The following GABRA4 variants were observed in gnomAD, a reference collection of about 807,000 sequenced individuals.
GABRA4 encodes gamma-aminobutyric acid receptor subunit alpha-4.
GABRA4 carries 12 observed loss-of-function variants against 49.7 expected under a neutral mutation model. The observed-to-expected ratio is 0.24, with a 90% confidence interval of 0.15 to 0.39. GABRA4 has a LOEUF of 0.39. Ranked by LOEUF, GABRA4 falls within the 10% of genes least tolerant of loss-of-function variation. GABRA4 has a pLI of 1.00. For synonymous variants in GABRA4, 288 were observed against 240.2 expected (o/e 1.20, Z -1.84); for missense variants, 506 against 686.0 (o/e 0.74, Z 2.93).
At chr4:46,931,338 AT>A (rs1308675673) in intron 8 of GABRA4, among the ~76,000 whole-genome samples, 1 of 151,990 alleles carries the variant, frequency 6.6e-6, no homozygotes, top group Admixed American at 6.6e-5. Flanking sequence ...CTGCTCTGGT[AT>A]TGTCTAATGA....
intron 6 of GABRA4, among the ~76,000 whole-genome samples, chr4:46,973,290 C>T (rs910031779): frequency 2.0e-5 from 3 of 151,646 alleles, no homozygotes; most frequent in Non-Finnish European, 3.0e-5. Flanking sequence ...GGTGTTTAAA[C>T]CATGATGGTG....
At chr4:46,987,404 C>G (rs1723579496) in intron 2 of GABRA4, among the ~76,000 whole-genome samples, 1 of 152,110 alleles carries the variant, frequency 6.6e-6, no homozygotes, top group African/African-American at 2.4e-5. Context: ...TTACATTACT[C>G]TATAGCTGTT....
chr4:46,947,325 A>G (rs555551841), intron 8 of GABRA4, among the ~76,000 whole-genome samples: 1 of 152,178 alleles, frequency 6.6e-6, no homozygotes, highest in East Asian at 1.9e-4. Context: ...AGGTCTGGGC[A>G]TATTTTATGC....
At chr4:46,968,166 C>T (rs946887994) in intron 7 of GABRA4, among the ~76,000 whole-genome samples, 4 of 151,492 alleles carry the variant, frequency 2.6e-5, no homozygotes, top group Admixed American at 6.6e-5. Flanking sequence ...ACCTAAATCT[C>T]ATATGAAAAT....
intron 8 of GABRA4, among the ~76,000 whole-genome samples, chr4:46,953,276 A>G (rs1355015764): frequency 6.6e-6 from 1 of 151,956 alleles, no homozygotes; most frequent in African/African-American, 2.4e-5. Context: ...CTCACCCCCT[A>G]AAGCTCAGCA....
rs988142549 is a variant in GABRA4, at chr4:46,987,412, G to C, written c.205+5416C>G. Reference sequence around the variant, plus strand: ...CCCTGCTTTACATTACTCTATAGCTGTTAACCAACATCTGGCACACACACT... The same window carrying C: ...CCCTGCTTTACATTACTCTATAGCTCTTAACCAACATCTGGCACACACACT... On this transcript the variant is annotated intron_variant, in intron 2 of 8. Coordinates refer to ENST00000264318, the MANE Select transcript of GABRA4 (RefSeq NM_000809.4). Among the ~76,000 whole-genome samples, 3 of 152,172 alleles carry C rather than the reference G, an allele frequency of 2.0e-5. No individual in the cohort carries two copies. The South Asian group carries it at 6.2e-4, about 32-fold the overall frequency.
In GABRA4 at chr4:46,980,393, A is replaced by G. The variant is rs1002671933; in HGVS notation, c.206-1295T>C. The stretch of plus-strand genomic sequence containing the variant: ...TATGCCAAAAAAAAAAAAAAAAGGC[A>G]GAGAGAAATTGGTATCACTTAATTC... On this transcript the variant is annotated intron_variant, in intron 2 of 8. Coordinates refer to ENST00000264318, the MANE Select transcript of GABRA4 (RefSeq NM_000809.4). 2.7e-5 allele frequency among the ~76,000 whole-genome samples: 4 copies of G among 146,868 alleles called. No individual in the cohort carries two copies. In the East Asian group the frequency reaches 8.0e-4, roughly 29 times the overall value.
At position 46,920,444 on chromosome 4, in the gene GABRA4, CAT is replaced by C. The variant is rs1247424395; in HGVS notation, c.*7779_*7780del. The C allele has an allele frequency of 1.3e-5, 2 of 151,110 alleles. No homozygotes were observed. Among genetic ancestry groups the C allele is most frequent in the African/African-American group, 4.9e-5 (2 of 41,216 alleles). 9.4% of individuals were successfully genotyped at this position (151,110 alleles called of 1,614,324 possible). On this transcript the variant is annotated 3_prime_UTR_variant, in exon 9 of 9. Transcript: ENST00000264318. ...ATATGAGAAAATATGAAATATGAGACATGAGAAATATTAAACGAGTTCAGCAA... is the reference window on the plus strand; with the variant it reads ...ATATGAGAAAATATGAAATATGAGACGAGAAATATTAAACGAGTTCAGCAA...
intron 2 of GABRA4, among the ~76,000 whole-genome samples, chr4:46,991,721 A>ACTGGTTACTTATCTTTCTAAGC (rs1553907064): frequency 6.6e-6 from 1 of 151,798 alleles, no homozygotes; most frequent in Non-Finnish European, 1.5e-5. Flanking sequence ...TGGAACTTGG[A>ACTGGTTACTTATCTTTCTAAGC]CTCAATTTCC....
Position 46,926,941 on chromosome 4 carries a change from C to T in GABRA4, c.*1284G>A, listed in dbSNP as rs1387342805. ...CCTTAGTTATTAAACCTTAAAAAAACTCCCAAAAAAACCAACATGATGACT... is the reference window on the plus strand; with the variant it reads ...CCTTAGTTATTAAACCTTAAAAAAATTCCCAAAAAAACCAACATGATGACT... On this transcript the variant is annotated 3_prime_UTR_variant, in exon 9 of 9. Transcript: ENST00000264318. The T allele has an allele frequency of 6.6e-6, 1 of 151,830 alleles. No homozygotes were observed. The highest frequency in any genetic ancestry group is 1.5e-5 in the Non-Finnish European group (1 of 67,872). 9.4% of individuals were successfully genotyped at this position (151,830 alleles called of 1,614,324 possible).
intron 8 of GABRA4, among the ~76,000 whole-genome samples, chr4:46,951,354 C>G (rs1722167319): frequency 6.6e-6 from 1 of 151,240 alleles, no homozygotes; most frequent in Non-Finnish European, 1.5e-5. Flanking sequence ...TTCATACAGT[C>G]TTTCATTCAT....
intron 2 of GABRA4, among the ~76,000 whole-genome samples, chr4:46,988,262 C>A (rs1723612270): frequency 6.6e-6 from 1 of 151,588 alleles, no homozygotes; most frequent in Non-Finnish European, 1.5e-5. Context: ...TTTATTATTT[C>A]TTTGTTATAT....
intron 1 of GABRA4, 68 bp downstream of exon 1, chr4:46,993,271 A>G: frequency 1.5e-6 from 2 of 1,378,028 alleles, no homozygotes; most frequent in Non-Finnish European, 2.1e-6. Context: ...CGAGTGGCCA[A>G]AGGGGTCCCG....
rs3215202 is a variant in GABRA4, at chr4:46,992,955, G to GAA, written c.87-11_87-10dup. 0.027 allele frequency: 34,912 copies of GAA among 1,277,596 alleles called. 51 individuals are homozygous for GAA. Among genetic ancestry groups the GAA allele is most frequent in the East Asian group, 0.051 (2,010 of 39,792 alleles). The allele number at this position is 1,277,596 out of a possible 1,614,324, so 79.1% of individuals were successfully genotyped here. A position where few individuals can be genotyped will look rare whatever the true frequency, so the allele number is the denominator to read the frequency against. ...CTGGGGATTCGTTTAAACTGCAAGCGAAAAAAAAAAAACCGGGGGCGGAGG... is the reference window on the plus strand; with the variant it reads ...CTGGGGATTCGTTTAAACTGCAAGCGAAAAAAAAAAAAAACCGGGGGCGGAGG... On this transcript the variant is annotated splice_polypyrimidine_tract_variant and intron_variant, in intron 1 of 8. Transcript: ENST00000264318.
In GABRA4 at chr4:46,928,489, C is replaced by A. The variant is rs1191451492; in HGVS notation, c.1401G>T (p.Lys467Asn). 1 of 1,613,502 alleles carries A rather than the reference C, an allele frequency of 6.2e-7. No individual in the cohort carries two copies. The highest frequency in any genetic ancestry group is 2.2e-5 in the East Asian group (1 of 44,874). The change falls in exon 9 of 9, where the codon AAG becomes AAT. Residue 467 changes from lysine (K) to asparagine (N), a missense_variant. By Grantham distance (94) the Lys-to-Asn change is moderately conservative. Around this residue, in one of 5 missense-constraint regions of GABRA4, gnomAD observed 243 missense variants for 210.8 expected, o/e 1.15. Transcript: ENST00000264318. The part of the protein sequence containing the change: ...TSIRTGYMPR[K>N]ASVGSASTRH... Reference sequence around the variant, plus strand: ...GAGTAGAAGCAGATCCAACTGAAGCCTTTCGAGGCATATATCCAGTTCGGA... The same window carrying A: ...GAGTAGAAGCAGATCCAACTGAAGCATTTCGAGGCATATATCCAGTTCGGA...
chr4:46,939,352 A>G (rs1434552815), intron 8 of GABRA4, among the ~76,000 whole-genome samples: 1 of 152,012 alleles, frequency 6.6e-6, no homozygotes, highest in Non-Finnish European at 1.5e-5. Flanking sequence ...ATATTTCTAC[A>G]ATGTATTGAG....
intron 2 of GABRA4, among the ~76,000 whole-genome samples, chr4:46,991,132 G>A (rs746690957): frequency 3.9e-5 from 6 of 152,124 alleles, no homozygotes; most frequent in Admixed American, 2.0e-4. Context: ...GTTGCAGTGA[G>A]CCGAGATCAC....
chr4:46,945,149 C>T (rs904816675), intron 8 of GABRA4, among the ~76,000 whole-genome samples: 3 of 152,100 alleles, frequency 2.0e-5, no homozygotes, highest in African/African-American at 4.8e-5. Context: ...TTCATTCTAC[C>T]CAGATTATAC....
chr4:46,979,732 AT>A, intron 2 of GABRA4, among the ~76,000 whole-genome samples: 1 of 152,042 alleles, frequency 6.6e-6, no homozygotes, highest in South Asian at 2.1e-4. Context: ...ATCAGGCAAG[AT>A]TTTGATAGCG....
Sources: gnomAD v4.1 joint callset for allele counts (sites outside exome capture counted in the v4.1 genomes callset) on GRCh38, gnomAD v4.1.1 for gene constraint, gnomAD v4.1.1 regional missense constraint, MANE v1.5 for transcripts, NCBI Gene and HGNC (gene_info 2026-07-23, HGNC 2026-07-21) for gene names.